The following ACBD6 variants were observed in gnomAD, a reference collection of about 807,000 sequenced individuals.
ACBD6 encodes acyl-CoA-binding domain-containing protein 6.
ACBD6 carries 28 observed loss-of-function variants against 37.2 expected under a neutral mutation model. The ratio of observed to expected loss-of-function variants is 0.75; its 90% CI spans 0.56 to 1.03. ACBD6 has a LOEUF of 1.03. Ranked by LOEUF, ACBD6 falls within the 50% of genes least tolerant of loss-of-function variation. The pLI is 0.00. For synonymous variants in ACBD6, 113 were observed against 126.8 expected (o/e 0.89, Z 0.73); for missense variants, 340 against 337.4 (o/e 1.01, Z -0.06).
At chr1:180,289,587 C>T (rs1468572998) in intron 7 of ACBD6, among the ~76,000 whole-genome samples, 38 of 152,300 alleles carry the variant, frequency 2.5e-4, no homozygotes, top group Admixed American at 2.3e-3. Context: ...AATTCTACTT[C>T]TAGTTATATA....
At chr1:180,358,281 G>A (rs1198109008) in intron 6 of ACBD6, among the ~76,000 whole-genome samples, 1 of 152,134 alleles carries the variant, frequency 6.6e-6, no homozygotes, top group Non-Finnish European at 1.5e-5. Flanking sequence ...ACAAACATTA[G>A]CTGGGCATGG....
chr1:180,467,493 A>G (rs1219792399), intron 3 of ACBD6, among the ~76,000 whole-genome samples: 1 of 151,006 alleles, frequency 6.6e-6, no homozygotes, highest in African/African-American at 2.4e-5. Flanking sequence ...CAAACAAAAA[A>G]ACTTAAATTA....
At chr1:180,363,377 A>C (rs1480242271) in intron 6 of ACBD6, among the ~76,000 whole-genome samples, 1 of 152,244 alleles carries the variant, frequency 6.6e-6, no homozygotes, top group Non-Finnish European at 1.5e-5. Context: ...CTTATGAGCT[A>C]AGTGAAAATG....
intron 7 of ACBD6, among the ~76,000 whole-genome samples, chr1:180,304,308 A>C (rs1251913789): frequency 1.3e-5 from 2 of 150,782 alleles, no homozygotes; most frequent in Non-Finnish European, 3.0e-5. Flanking sequence ...GAAAAGAGGA[A>C]GTCAAATTGT....
intron 3 of ACBD6, among the ~76,000 whole-genome samples, chr1:180,448,977 G>A (rs1427290433): frequency 6.6e-6 from 1 of 152,104 alleles, no homozygotes; most frequent in Non-Finnish European, 1.5e-5. Context: ...CAAAAACTAT[G>A]CTACAGCCAC....
chr1:180,479,122 G>C (rs1330328464), intron 3 of ACBD6, among the ~76,000 whole-genome samples: 1 of 152,160 alleles, frequency 6.6e-6, no homozygotes, highest in Non-Finnish European at 1.5e-5. Flanking sequence ...AACACAGCAA[G>C]ACCTTGTCTC....
chr1:180,455,841 C>G (rs1649894678), intron 3 of ACBD6, among the ~76,000 whole-genome samples: 1 of 152,066 alleles, frequency 6.6e-6, no homozygotes, highest in African/African-American at 2.4e-5. Context: ...TGGTCCTAAT[C>G]CATAAAGGAA....
At chr1:180,299,726 G>A (rs1650059010) in intron 7 of ACBD6, among the ~76,000 whole-genome samples, 1 of 152,066 alleles carries the variant, frequency 6.6e-6, no homozygotes. Flanking sequence ...GCAAGGAAAA[G>A]CCTTGATTTC....
At chr1:180,460,629 G>C (rs1251853910) in intron 3 of ACBD6, among the ~76,000 whole-genome samples, 1 of 152,180 alleles carries the variant, frequency 6.6e-6, no homozygotes, top group Non-Finnish European at 1.5e-5. Context: ...TCCAGGTATT[G>C]GAAAATCTGA....
chr1:180,483,614 G>T (rs1651143667), intron 3 of ACBD6, among the ~76,000 whole-genome samples: 1 of 151,776 alleles, frequency 6.6e-6, no homozygotes, highest in South Asian at 2.1e-4. Context: ...GTAGAAAAAA[G>T]AACAAAATGC....
At chr1:180,368,928 C>G (rs1360805095) in intron 6 of ACBD6, among the ~76,000 whole-genome samples, 1 of 152,092 alleles carries the variant, frequency 6.6e-6, no homozygotes, top group Non-Finnish European at 1.5e-5. Flanking sequence ...GGCTACTGCA[C>G]ACAGTGAGGA....
chr1:180,501,401 T>A (rs1414385348), intron 1 of ACBD6, among the ~76,000 whole-genome samples: 1 of 152,090 alleles, frequency 6.6e-6, no homozygotes, highest in Non-Finnish European at 1.5e-5. Context: ...CAGGCTGGAG[T>A]GCAATGGCGC....
chr1:180,426,340 C>A (rs1005677800), intron 4 of ACBD6, among the ~76,000 whole-genome samples: 9 of 152,254 alleles, frequency 5.9e-5, no homozygotes, highest in African/African-American at 2.2e-4. Context: ...ACCCTAATTT[C>A]TCAATTTATG....
intron 1 of ACBD6, among the ~76,000 whole-genome samples, chr1:180,500,096 G>A (rs1415306707): frequency 1.4e-5 from 2 of 140,132 alleles, no homozygotes; most frequent in African/African-American, 5.4e-5. Flanking sequence ...CCTGAGCAAC[G>A]AAACAAGATC....
chr1:180,391,329 TTA>T (rs1197521451), intron 6 of ACBD6, among the ~76,000 whole-genome samples: 1 of 152,142 alleles, frequency 6.6e-6, no homozygotes, highest in Non-Finnish European at 1.5e-5. Flanking sequence ...TTTAAAACTT[TTA>T]TGTTTTAAAG....
chr1:180,337,453 A>G (rs1445715493), intron 6 of ACBD6, among the ~76,000 whole-genome samples: 1 of 152,118 alleles, frequency 6.6e-6, no homozygotes, highest in African/African-American at 2.4e-5. Context: ...AAATTCAACA[A>G]CGCTTCATGC....
intron 6 of ACBD6, among the ~76,000 whole-genome samples, chr1:180,333,187 T>G (rs139665372): frequency 4.1e-4 from 62 of 152,200 alleles, no homozygotes; most frequent in African/African-American, 1.4e-3. Flanking sequence ...ACACTTAACA[T>G]AAATTATACG....
At chr1:180,417,703 C>A (rs1394789680) in intron 4 of ACBD6, among the ~76,000 whole-genome samples, 2 of 152,188 alleles carry the variant, frequency 1.3e-5, no homozygotes, top group East Asian at 3.9e-4. Context: ...ATCTACGGAT[C>A]TTTTTTCTAC....
At chr1:180,474,453 T>TAA (rs67426379) in intron 3 of ACBD6, among the ~76,000 whole-genome samples, 11 of 148,062 alleles carry the variant, frequency 7.4e-5, no homozygotes, top group East Asian at 5.9e-4. Flanking sequence ...TCTGAAAAGC[T>TAA]AAAAAAAAAA....
Sources: allele counts gnomAD v4.1 joint callset (sites outside exome capture counted in the v4.1 genomes callset), GRCh38; gene constraint gnomAD v4.1.1; transcripts MANE v1.5; gene names NCBI Gene and HGNC (gene_info 2026-07-23, HGNC 2026-07-21).